PPP1R1C: variants seen among roughly 807,000 people sequenced by gnomAD.
The protein encoded by PPP1R1C is protein phosphatase 1 regulatory inhibitor subunit 1C.
A neutral mutation model predicts 17.4 loss-of-function variants in PPP1R1C; 15 were observed. That is an observed-to-expected ratio of 0.86 (90% CI 0.58 to 1.33). The LOEUF is 1.33. Among genes scored for constraint, PPP1R1C ranks in the 40% most tolerant of loss-of-function variants. The pLI is 0.00. For missense variants in PPP1R1C, 143 were observed against 130.0 expected (o/e 1.10, Z -0.48); for synonymous variants, 35 against 43.1 (o/e 0.81, Z 0.73).
chr2:182,123,930 T>A (rs1420163733), intron 5 of PPP1R1C, among the ~76,000 whole-genome samples: 3 of 152,222 alleles, frequency 2.0e-5, no homozygotes, highest in East Asian at 3.8e-4. Flanking sequence ...ACTTTGCCCA[T>A]CCCTATGTCG....
intron 2 of PPP1R1C, among the ~76,000 whole-genome samples, chr2:182,039,545 C>G (rs1687119099): frequency 6.6e-6 from 1 of 152,064 alleles, no homozygotes; most frequent in South Asian, 2.1e-4. Flanking sequence ...CCATGATGCC[C>G]AGCTAGTTTT....
intron 4 of PPP1R1C, among the ~76,000 whole-genome samples, chr2:182,092,966 T>C (rs1688825666): frequency 6.6e-6 from 1 of 152,218 alleles, no homozygotes; most frequent in Non-Finnish European, 1.5e-5. Flanking sequence ...GGTGGCCCTC[T>C]TCTGACAGCT....
At chr2:181,980,869 C>G (rs150916038), upstream of PPP1R1C, among the ~76,000 whole-genome samples, 60 of 150,878 alleles carry the variant, frequency 4.0e-4, no homozygotes, top group East Asian at 0.011. Context: ...TAGAGTAAGT[C>G]AAAATTGTTA....
In PPP1R1C at chr2:182,117,333, T is replaced by A. The variant is rs1469308052; in HGVS notation, c.*38T>A. The A allele has an allele frequency of 2.1e-6, 3 of 1,416,808 alleles. No homozygotes were observed. The highest frequency in any genetic ancestry group is 2.9e-5 in the African/African-American group (2 of 68,492). 87.8% of individuals were successfully genotyped at this position (1,416,808 alleles called of 1,614,324 possible). A position where few individuals can be genotyped will look rare whatever the true frequency, so the allele number is the denominator to read the frequency against. ...AGCAAGAAGGCTTCTTGGAAATAAC[T>A]GAACTATTAACTTTTCTGAGTATAC... On this transcript the variant is annotated 3_prime_UTR_variant, in exon 5 of 5. Transcript: ENST00000682840.
chr2:182,049,920 A>T (rs1207942065), intron 2 of PPP1R1C, among the ~76,000 whole-genome samples: 3 of 152,150 alleles, frequency 2.0e-5, no homozygotes, highest in Non-Finnish European at 4.4e-5. Flanking sequence ...GAAGTCTTCA[A>T]TTTTATCACT....
chr2:181,989,176 G>A (rs1685386494), intron 2 of PPP1R1C, among the ~76,000 whole-genome samples: 1 of 152,116 alleles, frequency 6.6e-6, no homozygotes, highest in African/African-American at 2.4e-5. Flanking sequence ...CTGCCTTAAG[G>A]TGTACTGCAC....
At chr2:182,036,111 T>C (rs1295390530) in intron 2 of PPP1R1C, among the ~76,000 whole-genome samples, 1 of 152,156 alleles carries the variant, frequency 6.6e-6, no homozygotes, top group Non-Finnish European at 1.5e-5. Flanking sequence ...AGGCTGAAAC[T>C]ACAAATTCAA....
chr2:182,074,976 T>C (rs1459611157), intron 4 of PPP1R1C, among the ~76,000 whole-genome samples: 1 of 152,224 alleles, frequency 6.6e-6, no homozygotes. Context: ...GTTTACAGTT[T>C]TGGATTTTTC....
At position 181,958,653 on chromosome 2, in the gene PPP1R1C, T is replaced by C. The variant is rs553575292; in HGVS notation, n.111+4019T>C. ...CTTTCTTGTACTCACTTCCCATCAA[T>C]AGACCCCTTGAAAAGGTAATCAGTA... On this transcript the variant is annotated intron_variant and non_coding_transcript_variant, in intron 1 of 5. Transcript: ENST00000464264. Among the ~76,000 whole-genome samples the C allele has an allele frequency of 2.0e-5, 3 of 152,356 alleles. No homozygotes were observed. In the East Asian group the frequency reaches 5.8e-4, roughly 29 times the overall value.
chr2:182,118,772 T>G (rs1474264659), downstream of PPP1R1C, among the ~76,000 whole-genome samples: 2 of 151,976 alleles, frequency 1.3e-5, no homozygotes, highest in Non-Finnish European at 1.5e-5. Context: ...GATTCCTCTC[T>G]CTCTCCTTCT....
chr2:182,063,756 G>C lies in PPP1R1C; in HGVS notation c.206G>C (p.Arg69Thr). 6.2e-7 allele frequency: 1 copy of C among 1,612,908 alleles called. No individual in the cohort carries two copies. Among genetic ancestry groups the C allele is most frequent in the Non-Finnish European group, 8.5e-7 (1 of 1,179,160 alleles). ...GELQNASPKQ[R>T]KQSVYTPPTI... ...TTACAGAATGCATCCCCTAAGCAAA[G>C]GAAGCAGAGTGTGTACACACCACCC... Residue 69 changes from arginine to threonine, a missense_variant, in exon 4 of 5, where the codon AGG becomes ACG. By Grantham distance (71) the Arg-to-Thr change is moderately conservative. Coordinates refer to ENST00000682840, the MANE Select transcript of PPP1R1C (RefSeq NM_001080545.3).
chr2:182,097,971 GT>G (rs1476691341), intron 4 of PPP1R1C, among the ~76,000 whole-genome samples: 2 of 152,042 alleles, frequency 1.3e-5, no homozygotes, highest in South Asian at 2.1e-4. Flanking sequence ...TCAAACAGAT[GT>G]TTTTTTCTTC....
At chr2:181,997,011 C>T (rs552734624) in intron 2 of PPP1R1C, among the ~76,000 whole-genome samples, 1 of 152,152 alleles carries the variant, frequency 6.6e-6, no homozygotes, top group East Asian at 1.9e-4. Context: ...GGGCGGATCA[C>T]GAGGTCAGGA....
At chr2:182,091,160 A>T (rs1688768469) in intron 4 of PPP1R1C, among the ~76,000 whole-genome samples, 1 of 152,218 alleles carries the variant, frequency 6.6e-6, no homozygotes, top group African/African-American at 2.4e-5. Flanking sequence ...GCAGAAAAAC[A>T]GAGCACAAAG....
intron 2 of PPP1R1C, among the ~76,000 whole-genome samples, chr2:182,023,225 C>T (rs1660620403): frequency 6.6e-6 from 1 of 151,896 alleles, no homozygotes; most frequent in Non-Finnish European, 1.5e-5. Flanking sequence ...TCTCATGATC[C>T]CACAGCTAAA....
chr2:182,060,204 A>G (rs1404977860), intron 2 of PPP1R1C, among the ~76,000 whole-genome samples: 2 of 152,090 alleles, frequency 1.3e-5, no homozygotes, highest in Non-Finnish European at 2.9e-5. Context: ...TAACTTTTTA[A>G]CATTTAGTAA....
At chr2:182,031,426 G>A (rs928265082) in intron 2 of PPP1R1C, among the ~76,000 whole-genome samples, 8 of 152,022 alleles carry the variant, frequency 5.3e-5, no homozygotes, top group African/African-American at 1.7e-4. Flanking sequence ...CTAAACATTC[G>A]GATAAAAATG....
rs758028819 is a variant in PPP1R1C at position 182,127,396 on chromosome 2, G to A, written c.*7-1578G>A. Among the ~76,000 whole-genome samples the A allele has an allele frequency of 1.1e-3, 168 of 152,084 alleles. 1 individual carries two copies. Among genetic ancestry groups the A allele is most frequent in the African/African-American group, 4.0e-3 (168 of 41,502 alleles). ...GTGTCATGTAGAAAATTATTTGGCA[G>A]CAAATAAAAGAAAAACCAGCAAACA... On this transcript the variant is annotated intron_variant, in intron 5 of 5. Transcript: ENST00000280295.
At position 181,962,088 on chromosome 2, in the gene PPP1R1C, T is replaced by C; in HGVS notation, n.111+7454T>C. 1 of 720,986 alleles carries C rather than the reference T, an allele frequency of 1.4e-6. No homozygotes were observed. Among genetic ancestry groups the C allele is most frequent in the East Asian group, 2.7e-5 (1 of 36,832 alleles). 44.7% of individuals were successfully genotyped at this position (720,986 alleles called of 1,614,324 possible). A position where few individuals can be genotyped will look rare whatever the true frequency, so the allele number is the denominator to read the frequency against. On this transcript the variant is annotated intron_variant and non_coding_transcript_variant, in intron 1 of 5. Coordinates refer to the PPP1R1C transcript ENST00000464264. The surrounding 1 kb of genome is among the most constrained non-coding windows in gnomAD (Gnocchi z 6.0). Reference sequence around the variant, plus strand: ...TGAACCCTCAGGTCCTCGATGGTCTTGAGGTAATGACTCCAGTCTCTGACC... The same window carrying C: ...TGAACCCTCAGGTCCTCGATGGTCTCGAGGTAATGACTCCAGTCTCTGACC...
Sources: gnomAD v4.1 joint callset for allele counts (sites outside exome capture counted in the v4.1 genomes callset) on GRCh38, gnomAD v4.1.1 for gene constraint, Gnocchi (gnomAD v3.1) non-coding constraint, MANE v1.5 for transcripts, NCBI Gene and HGNC (gene_info 2026-07-23, HGNC 2026-07-21) for gene names.